Variants in DLC1 observed in about 807,000 individuals in gnomAD.
The protein encoded by DLC1 is rho GTPase-activating protein 7.
In DLC1, 54 loss-of-function variants were observed where a neutral mutation model predicts 140.3. The observed-to-expected ratio is 0.38, with a 90% CI of 0.31 to 0.48. The LOEUF (loss-of-function observed/expected upper bound fraction) is 0.48, where lower values mean the gene tolerates loss of function less well. Ranked by LOEUF, DLC1 falls within the 20% of genes least tolerant of loss-of-function variation. The pLI, the probability that DLC1 is intolerant of heterozygous loss-of-function variation, is 0.96. For synonymous variants in DLC1, 986 were observed against 728.1 expected (o/e 1.35, Z -5.70); for missense variants, 2,536 against 1,907.0 (o/e 1.33, Z -6.14).
At chr8:13,393,532 C>G (rs1370339343) in intron 4 of DLC1, 21 bp downstream of exon 4, 2 of 1,608,764 alleles carry the variant, frequency 1.2e-6, no homozygotes, top group Non-Finnish European at 1.7e-6. Context: ...TAGAGACTCT[C>G]TGTTATTATT....
At chr8:13,571,091 C>A (rs1003584223) in intron 1 of DLC1, among the ~76,000 whole-genome samples, 1 of 152,160 alleles carries the variant, frequency 6.6e-6, no homozygotes, top group Non-Finnish European at 1.5e-5. Context: ...CTATAAATAA[C>A]CACTTACTTT....
At chr8:13,355,608 AC>A (rs1204902193) in intron 4 of DLC1, among the ~76,000 whole-genome samples, 1 of 152,154 alleles carries the variant, frequency 6.6e-6, no homozygotes, top group African/African-American at 2.4e-5. Context: ...AATATGAATT[AC>A]TTCCTTACAG....
chr8:13,199,554 C>G lies in DLC1; in HGVS notation c.1349-83897G>C, dbSNP rs558693717. Among the ~76,000 whole-genome samples, 4 of 152,308 alleles carry G rather than the reference C, an allele frequency of 2.6e-5. 1 individual carries two copies. Among genetic ancestry groups the G allele is most frequent in the African/African-American group, 9.6e-5 (4 of 41,564 alleles). ...TTCCCACCTGCTCTGTTGTTCTGCA[C>G]TTAGTGTTCCCTTCTGTCTATTGTA... On this transcript the variant is annotated intron_variant, in intron 5 of 17. Transcript: ENST00000276297.
chr8:13,567,102 A>G, intron 1 of DLC1: 1 of 1,551,730 alleles, frequency 6.4e-7, no homozygotes, highest in East Asian at 2.4e-5. Flanking sequence ...CTTCCAGCTC[A>G]TTCAGCTCCT....
At chr8:13,183,764 G>T (rs928311335) in intron 5 of DLC1, among the ~76,000 whole-genome samples, 21 of 152,216 alleles carry the variant, frequency 1.4e-4, no homozygotes, top group African/African-American at 4.3e-4. Flanking sequence ...CAGGGATATT[G>T]GTCTAAAATT....
intron 2 of DLC1, among the ~76,000 whole-genome samples, chr8:13,482,694 G>T (rs1343221972): frequency 2.0e-5 from 3 of 152,136 alleles, no homozygotes; most frequent in African/African-American, 7.2e-5. Flanking sequence ...ACGTGATTAC[G>T]CGATTTAATT....
intron 5 of DLC1, among the ~76,000 whole-genome samples, chr8:13,137,365 A>G (rs1231667363): frequency 6.6e-6 from 1 of 152,204 alleles, no homozygotes; most frequent in African/African-American, 2.4e-5. Context: ...ATGCTAAACT[A>G]AGAGGCAGGA....
At chr8:13,537,946 A>G (rs12546052) in intron 1 of DLC1, among the ~76,000 whole-genome samples, 8,695 of 152,048 alleles carry the variant, frequency 0.057, 506 homozygotes, top group East Asian at 0.19. Flanking sequence ...GAGCCACCGC[A>G]CCCGGCCAGC....
chr8:13,360,279 T>G (rs976539575), intron 4 of DLC1, among the ~76,000 whole-genome samples: 2 of 152,210 alleles, frequency 1.3e-5, no homozygotes, highest in African/African-American at 4.8e-5. Context: ...TAGACCAGCC[T>G]GCACATTAGA....
At chr8:13,256,140 A>G (rs1216270628) in intron 5 of DLC1, among the ~76,000 whole-genome samples, 2 of 152,334 alleles carry the variant, frequency 1.3e-5, no homozygotes, top group South Asian at 4.1e-4. Flanking sequence ...TTCTGGGCTC[A>G]TGATTTTCAA....
chr8:13,453,979 C>T (rs1442332992), intron 2 of DLC1, among the ~76,000 whole-genome samples: 1 of 152,110 alleles, frequency 6.6e-6, no homozygotes, highest in Non-Finnish European at 1.5e-5. Context: ...GTTAACTTAT[C>T]TTACTATATG....
intron 5 of DLC1, among the ~76,000 whole-genome samples, chr8:13,257,439 GAA>G (rs34452124): frequency 0.014 from 1,471 of 104,410 alleles, 21 homozygotes; most frequent in African/African-American, 0.046. Context: ...CCTGTCTCAG[GAA>G]AAAAAAAAAA....
chr8:13,194,618 C>T (rs1026725838), intron 5 of DLC1, among the ~76,000 whole-genome samples: 1 of 152,144 alleles, frequency 6.6e-6, no homozygotes, highest in Non-Finnish European at 1.5e-5. Flanking sequence ...CACAAGGACT[C>T]CATTCTGGGG....
At chr8:13,369,913 T>TAAAA (rs71207148) in intron 4 of DLC1, among the ~76,000 whole-genome samples, 15 of 141,594 alleles carry the variant, frequency 1.1e-4, no homozygotes, top group African/African-American at 4.0e-4. Context: ...ATTTAAAACT[T>TAAAA]AAAAAAAAAA....
chr8:13,284,482 G>A (rs1044073932), intron 5 of DLC1, among the ~76,000 whole-genome samples: 8 of 152,038 alleles, frequency 5.3e-5, no homozygotes, highest in South Asian at 4.1e-4. Context: ...CGCTGAGATC[G>A]CGCCATTGCA....
intron 1 of DLC1, among the ~76,000 whole-genome samples, chr8:13,592,375 TGTC>T (rs1408589834): frequency 6.6e-6 from 1 of 152,122 alleles, no homozygotes; most frequent in East Asian, 1.9e-4. Flanking sequence ...TTTTTATATT[TGTC>T]TTTTATTTGT....
At chr8:13,350,559 T>C (rs1834604653) in intron 4 of DLC1, among the ~76,000 whole-genome samples, 1 of 151,912 alleles carries the variant, frequency 6.6e-6, no homozygotes, top group Non-Finnish European at 1.5e-5. Context: ...CTACTAAAAA[T>C]ACAAAAATTA....
chr8:13,188,769 C>A lies in DLC1; in HGVS notation c.1349-73112G>T, dbSNP rs546069073. Among the ~76,000 whole-genome samples the A allele has an allele frequency of 2.0e-3, 268 of 134,458 alleles. 5 individuals are homozygous for A. Among genetic ancestry groups the A allele is most frequent in the Admixed American group, 0.019 (247 of 13,144 alleles). 88.2% of individuals were successfully genotyped at this position (134,458 alleles called of 152,430 possible). ...GGGATTACAGGCATGTGCCACCATG[C>A]CCAGCTAATGTGTGTGTGTGTGTGT... On this transcript the variant is annotated intron_variant, in intron 5 of 17. Transcript: ENST00000276297.
intron 1 of DLC1, among the ~76,000 whole-genome samples, chr8:13,576,912 A>T (rs1804858907): frequency 6.6e-6 from 1 of 152,220 alleles, no homozygotes; most frequent in African/African-American, 2.4e-5. Flanking sequence ...AATGGCACTG[A>T]ACAGAGGAAC....
Sources: gnomAD v4.1 joint callset for allele counts (sites outside exome capture counted in the v4.1 genomes callset) on GRCh38, gnomAD v4.1.1 for gene constraint, MANE v1.5 for transcripts, NCBI Gene and HGNC (gene_info 2026-07-23, HGNC 2026-07-21) for gene names.